The following GNAI2 variants were observed in gnomAD, a reference collection of about 807,000 sequenced individuals.
GNAI2 encodes the protein guanine nucleotide-binding protein G(i) subunit alpha-2.
In GNAI2, 4 loss-of-function variants were observed where a neutral mutation model predicts 36.8. The observed-to-expected ratio is 0.11, with a 90% CI of 0.05 to 0.25. The LOEUF is 0.25. GNAI2 is among the 10% of genes least tolerant of loss of function. The pLI, the probability that GNAI2 is intolerant of heterozygous loss-of-function variation, is 1.00. For synonymous variants in GNAI2, 194 were observed against 194.1 expected (o/e 1.00, Z 0.01); for missense variants, 230 against 481.3 (o/e 0.48, Z 4.89).
chr3:50,227,131 A>G, upstream of GNAI2: 1 of 1,419,780 alleles, frequency 7.0e-7, no homozygotes, highest in Non-Finnish European at 9.2e-7. The surrounding 1 kb of genome is among the most constrained non-coding windows in gnomAD (Gnocchi z 5.9). Flanking sequence ...CTCATGACGG[A>G]GGGTGTGAAG....
rs1342311787 is a variant in GNAI2, at chr3:50,242,373, G to A, written c.118+5920G>A. ...GGCCAGGAATCCCAGCCTAGGAGTT[G>A]AGCGAGGAGGGGAAGGGGTCAGCAG... On this transcript the variant is annotated intron_variant, in intron 1 of 8. Transcript: ENST00000313601. This position sits in a 1 kb window ranked among gnomAD's most constrained non-coding sequence, Gnocchi z 4.8. Among the ~76,000 whole-genome samples, 1 of 152,200 alleles carries A rather than the reference G, an allele frequency of 6.6e-6. No individual in the cohort carries two copies. The highest frequency in any genetic ancestry group is 2.4e-5 in the African/African-American group (1 of 41,438).
rs909806175 is a variant in GNAI2, at chr3:50,255,841, G to A, written c.465-351G>A. ...CGAGGTGGGCGGATCACCTGAGGTTGAGAGGTCAAGACCATCCTGGCCAAC... is the reference window on the plus strand; with the variant it reads ...CGAGGTGGGCGGATCACCTGAGGTTAAGAGGTCAAGACCATCCTGGCCAAC... On this transcript the variant is annotated intron_variant, in intron 4 of 8. Transcript: ENST00000313601. This position sits in a 1 kb window ranked among gnomAD's most constrained non-coding sequence, Gnocchi z 4.0. Among the ~76,000 whole-genome samples, 1 of 151,870 alleles carries A rather than the reference G, an allele frequency of 6.6e-6. No homozygotes were observed. Among genetic ancestry groups the A allele is most frequent in the Non-Finnish European group, 1.5e-5 (1 of 67,960 alleles).
chr3:50,248,956 C>T (rs1348075018), intron 1 of GNAI2, among the ~76,000 whole-genome samples: 2 of 152,102 alleles, frequency 1.3e-5, no homozygotes, highest in Non-Finnish European at 2.9e-5. Flanking sequence ...AGCAAGTTTG[C>T]ACCCTCGTCC....
Position 50,242,734 on chromosome 3 carries a change from A to G in GNAI2, c.118+6281A>G, listed in dbSNP as rs1700324940. 6.6e-6 allele frequency among the ~76,000 whole-genome samples: 1 copy of G among 152,084 alleles called. No homozygotes were observed. The highest frequency in any genetic ancestry group is 2.1e-4 in the South Asian group (1 of 4,820). ...TTCTTCTGTGCCGGCCTCTGTGCAC[A>G]TTTACAAGGCTTGAAAGGCAGCACC... On this transcript the variant is annotated intron_variant, in intron 1 of 8. Coordinates refer to ENST00000313601, the MANE Select transcript of GNAI2 (RefSeq NM_002070.4). This position sits in a 1 kb window ranked among gnomAD's most constrained non-coding sequence, Gnocchi z 4.8.
upstream of GNAI2, among the ~76,000 whole-genome samples, chr3:50,231,631 G>A (rs368488904): frequency 2.0e-5 from 3 of 152,306 alleles, no homozygotes; most frequent in East Asian, 5.8e-4. Context: ...CCTGGAATTA[G>A]GGATATGAGT....
Position 50,238,313 on chromosome 3 carries a change from T to TG in GNAI2, c.118+1865dup, listed in dbSNP as rs1324512385. 6.6e-6 allele frequency: 1 copy of TG among 152,286 alleles called. No individual in the cohort carries two copies. The highest frequency in any genetic ancestry group is 1.5e-5 in the Non-Finnish European group (1 of 68,090). 9.4% of individuals were successfully genotyped at this position (152,286 alleles called of 1,614,324 possible). A position where few individuals can be genotyped will look rare whatever the true frequency, so the allele number is the denominator to read the frequency against. ...GAAATGCAAGACTGGACCATAGAGC[T>TG]GGGGGAACGCAGGGCTTCTGGCTAG... On this transcript the variant is annotated intron_variant, in intron 1 of 8. Transcript: ENST00000313601. This position sits in a 1 kb window ranked among gnomAD's most constrained non-coding sequence, Gnocchi z 5.0.
chr3:50,259,125 A>G lies in GNAI2; in HGVS notation c.*782A>G, dbSNP rs1259386181. The stretch of plus-strand genomic sequence containing the variant: ...CAAGGGCTGTTCCAGACAACTGCCA[A>G]CGTCACTGAGGGCCCTGCCCCAGCG... On this transcript the variant is annotated 3_prime_UTR_variant, in exon 9 of 9. Coordinates refer to ENST00000313601, the MANE Select transcript of GNAI2 (RefSeq NM_002070.4). 1.4e-5 allele frequency: 5 copies of G among 346,336 alleles called. No individual in the cohort carries two copies. Among genetic ancestry groups the G allele is most frequent in the South Asian group, 4.5e-5 (2 of 44,496 alleles). The allele number at this position is 346,336 out of a possible 1,614,324, so 21.5% of individuals were successfully genotyped here.
rs1382211950 is a variant in GNAI2, at chr3:50,242,142, G to A, written c.118+5689G>A. ...CCACCCATTCACTTGGCGGGAACAG[G>A]ATGGAGGAAGCTTTGTCCACCCAAG... is the stretch of plus-strand genomic sequence containing the variant. On this transcript the variant is annotated intron_variant, in intron 1 of 8. Coordinates refer to ENST00000313601, the MANE Select transcript of GNAI2 (RefSeq NM_002070.4). This position sits in a 1 kb window ranked among gnomAD's most constrained non-coding sequence, Gnocchi z 4.8. Among the ~76,000 whole-genome samples, 2 of 152,142 alleles carry A rather than the reference G, an allele frequency of 1.3e-5. No homozygotes were observed. Among genetic ancestry groups the A allele is most frequent in the Non-Finnish European group, 2.9e-5 (2 of 68,012 alleles).
chr3:50,248,654 C>T (rs1553702032), intron 1 of GNAI2, among the ~76,000 whole-genome samples: 3 of 152,178 alleles, frequency 2.0e-5, no homozygotes, highest in Non-Finnish European at 4.4e-5. Context: ...TGAGTCACAG[C>T]TGCTGGAAAG....
chr3:50,254,892 G>A (rs11715758), intron 4 of GNAI2, among the ~76,000 whole-genome samples: 44,776 of 152,168 alleles, frequency 0.29, 7,872 homozygotes, highest in South Asian at 0.58. Context: ...AGGAAGCAGG[G>A]CTCCTTCAGC....
At position 50,252,461 on chromosome 3, in the gene GNAI2, A is replaced by G; in HGVS notation, c.226A>G (p.Asn76Asp). ...CRQYRAVVYS[N>D]TIQSIMAIVK... ...GCAGTACCGGGCGGTTGTCTACAGC[A>G]ACACCATCCAGTCCATCATGGCCAT... The change falls in exon 3 of 9, where the codon AAC becomes GAC. Residue 76 changes from asparagine (N) to aspartate (D), a missense_variant. Asn to Asp is a conservative substitution (Grantham distance 23). Coordinates refer to ENST00000313601, the MANE Select transcript of GNAI2 (RefSeq NM_002070.4). The surrounding 1 kb of genome is among the most constrained non-coding windows in gnomAD (Gnocchi z 4.1). 1 of 1,613,602 alleles carries G rather than the reference A, an allele frequency of 6.2e-7. No individual in the cohort carries two copies. The highest frequency in any genetic ancestry group is 8.5e-7 in the Non-Finnish European group (1 of 1,179,814).
At chr3:50,240,702 A>T (rs1464535551) in intron 1 of GNAI2, among the ~76,000 whole-genome samples, 1 of 152,140 alleles carries the variant, frequency 6.6e-6, no homozygotes, top group African/African-American at 2.4e-5. Flanking sequence ...AGATCACCTG[A>T]GGTCAGGAGT....
intron 4 of GNAI2, 103 bp from the exon 5 acceptor site, chr3:50,256,076 AAGGGCTGTGCTTG>A: frequency 2.3e-6 from 1 of 438,068 alleles, no homozygotes; most frequent in East Asian, 4.3e-5. Flanking sequence ...AAAAAAAAGC[AAGGGCTGTGCTTG>A]AGAAATGGCA....
At chr3:50,234,446 G>A (rs1468955069), upstream of GNAI2, among the ~76,000 whole-genome samples, 2 of 151,696 alleles carry the variant, frequency 1.3e-5, no homozygotes, top group African/African-American at 4.8e-5. Flanking sequence ...CCGCCTCCTG[G>A]GTTCAAGTGA....
upstream of GNAI2, among the ~76,000 whole-genome samples, chr3:50,232,493 G>A (rs1356366277): frequency 3.9e-5 from 6 of 152,210 alleles, no homozygotes; most frequent in Non-Finnish European, 8.8e-5. Context: ...AGAAAACCGA[G>A]GTACAGGGAG....
At chr3:50,232,616 A>T (rs1700087886), upstream of GNAI2, among the ~76,000 whole-genome samples, 1 of 152,154 alleles carries the variant, frequency 6.6e-6, no homozygotes, top group Admixed American at 6.5e-5. Flanking sequence ...AGTCCAAACC[A>T]GTGTGTGTGG....
chr3:50,254,795 T>G (rs1272478459), intron 4 of GNAI2, among the ~76,000 whole-genome samples: 1 of 152,246 alleles, frequency 6.6e-6, no homozygotes, highest in African/African-American at 2.4e-5. Flanking sequence ...CAGCACAGTT[T>G]TGGGAGTGAA....
In GNAI2 at chr3:50,236,315, G is replaced by C; in HGVS notation, c.-21G>C. 1 of 1,368,040 alleles carries C rather than the reference G, an allele frequency of 7.3e-7. No homozygotes were observed. Among genetic ancestry groups the C allele is most frequent in the Non-Finnish European group, 9.4e-7 (1 of 1,061,330 alleles). The allele number at this position is 1,368,040 out of a possible 1,614,324, so 84.7% of individuals were successfully genotyped here. On this transcript the variant is annotated 5_prime_UTR_variant, in exon 1 of 9. Transcript: ENST00000313601. The surrounding 1 kb of genome is among the most constrained non-coding windows in gnomAD (Gnocchi z 4.0). ...TGGGCCGTGTGGGGGCCGGGCGGCG[G>C]CCGGGCCGGCGGACGGCGGGATGGG... is the stretch of plus-strand genomic sequence containing the variant.
upstream of GNAI2, among the ~76,000 whole-genome samples, chr3:50,234,666 A>AG (rs1700127425): frequency 6.6e-6 from 1 of 152,122 alleles, no homozygotes; most frequent in Non-Finnish European, 1.5e-5. Flanking sequence ...ATGTGTACCA[A>AG]GGTTCTAAGG....
Sources: gnomAD v4.1 joint callset for allele counts (sites outside exome capture counted in the v4.1 genomes callset) on GRCh38, gnomAD v4.1.1 for gene constraint, Gnocchi (gnomAD v3.1) non-coding constraint, MANE v1.5 for transcripts, NCBI Gene and HGNC (gene_info 2026-07-23, HGNC 2026-07-21) for gene names.